The following ADGB variants were observed in gnomAD, a reference collection of about 807,000 sequenced individuals.
ADGB encodes the protein androglobin, also known as calpain-7-like protein.
In ADGB, 172 loss-of-function variants were observed where a neutral mutation model predicts 210.5. The observed-to-expected ratio is 0.82, with a 90% CI of 0.72 to 0.93. ADGB has a LOEUF of 0.93. ADGB is among the 40% of genes least tolerant of loss of function. ADGB has a pLI of 0.00. For missense variants in ADGB, 2,025 were observed against 1,964.8 expected (o/e 1.03, Z -0.58); for synonymous variants, 658 against 662.7 (o/e 0.99, Z 0.11).
At position 146,644,042 on chromosome 6, in the gene ADGB, A is replaced by T. The variant is rs1297426633; in HGVS notation, c.238-731A>T. On this transcript the variant is annotated intron_variant, in intron 2 of 35. Transcript: ENST00000397944. ...GAGAAGTTGTTGCCAAGTATTAGGG[A>T]TGGAGTATGGGATGGGGAGTGGGAG... Among the ~76,000 whole-genome samples the T allele has an allele frequency of 5.3e-5, 8 of 151,828 alleles. No homozygotes were observed. In the East Asian group the frequency reaches 1.5e-3, roughly 29 times the overall value.
chr6:146,753,037 T>A (rs1374372052), intron 27 of ADGB, among the ~76,000 whole-genome samples: 6 of 152,102 alleles, frequency 3.9e-5, no homozygotes, highest in African/African-American at 1.4e-4. Flanking sequence ...CAGAAAATAT[T>A]GTACTTACTA....
At chr6:146,661,269 G>T (rs1775853625) in intron 5 of ADGB, among the ~76,000 whole-genome samples, 1 of 128,442 alleles carries the variant, frequency 7.8e-6, no homozygotes, top group Admixed American at 9.9e-5. Flanking sequence ...CGCTCAGGCT[G>T]GAGTGTAGTG....
chr6:146,807,504 C>T (rs1778230431), intron 35 of ADGB: 2 of 1,551,514 alleles, frequency 1.3e-6, no homozygotes, highest in Non-Finnish European at 1.7e-6. Context: ...TCTCTCTGCT[C>T]AGGAAGCCGC....
chr6:146,791,282 G>A (rs1446047371), intron 33 of ADGB, among the ~76,000 whole-genome samples: 2 of 152,086 alleles, frequency 1.3e-5, no homozygotes, highest in Admixed American at 6.5e-5. Flanking sequence ...ATCATGGGCT[G>A]TTTCTCCTGT....
intron 17 of ADGB, among the ~76,000 whole-genome samples, chr6:146,723,972 T>A (rs1776858225): frequency 6.6e-6 from 1 of 152,198 alleles, no homozygotes; most frequent in African/African-American, 2.4e-5. Flanking sequence ...GAGAGGATTG[T>A]TACAAGGAAG....
intron 3 of ADGB, among the ~76,000 whole-genome samples, chr6:146,650,597 C>CAA (rs57913607): frequency 0.015 from 566 of 36,554 alleles, 117 homozygotes; most frequent in African/African-American, 0.036. Context: ...TCCCTCCCAC[C>CAA]AAAAAAAAAA....
chr6:146,613,744 C>G (rs1048768885), intron 1 of ADGB, among the ~76,000 whole-genome samples: 6 of 152,032 alleles, frequency 3.9e-5, no homozygotes, highest in African/African-American at 1.4e-4. Context: ...ACCTCTTGTG[C>G]ATTCTTTATT....
intron 11 of ADGB, among the ~76,000 whole-genome samples, 174 bp downstream of exon 11, chr6:146,691,464 ATATATATATAT>A (rs1776320773): frequency 6.6e-5 from 1 of 15,072 alleles, no homozygotes; most frequent in African/African-American, 5.4e-4. Context: ...ATATAAAAAT[ATATATATATAT>A]AAATATATAT....
intron 3 of ADGB, among the ~76,000 whole-genome samples, chr6:146,650,920 A>C (rs1775692691): frequency 6.6e-6 from 1 of 152,234 alleles, no homozygotes; most frequent in Non-Finnish European, 1.5e-5. Context: ...CATTAAGTCC[A>C]GATGTCACAG....
intron 20 of ADGB, among the ~76,000 whole-genome samples, chr6:146,732,227 G>A (rs1423893731): frequency 1.3e-5 from 2 of 152,136 alleles, no homozygotes; most frequent in African/African-American, 4.8e-5. Context: ...ATAACCTCTT[G>A]GATGCTGGCC....
chr6:146,618,852 G>A (rs1780842655), intron 1 of ADGB, among the ~76,000 whole-genome samples: 1 of 151,524 alleles, frequency 6.6e-6, no homozygotes, highest in South Asian at 2.1e-4. Context: ...TTATGTAAAT[G>A]TCTGTTAGGG....
intron 1 of ADGB, among the ~76,000 whole-genome samples, chr6:146,605,899 C>G (rs1026817508): frequency 6.6e-6 from 1 of 152,084 alleles, no homozygotes; most frequent in African/African-American, 2.4e-5. Context: ...ATGCATGTGT[C>G]TTTATGGTAG....
chr6:146,687,664 G>A (rs1776251343), intron 10 of ADGB, among the ~76,000 whole-genome samples: 1 of 151,890 alleles, frequency 6.6e-6, no homozygotes, highest in African/African-American at 2.4e-5. Flanking sequence ...TTGAGGGGAG[G>A]GAACTTAGAG....
At chr6:146,637,667 G>A (rs1775444865) in intron 2 of ADGB, among the ~76,000 whole-genome samples, 1 of 151,850 alleles carries the variant, frequency 6.6e-6, no homozygotes, top group African/African-American at 2.4e-5. Context: ...ACTGAGTCAG[G>A]TACATCTTGT....
chr6:146,684,579 ATAAT>A (rs1398608095), intron 9 of ADGB, among the ~76,000 whole-genome samples: 1 of 152,132 alleles, frequency 6.6e-6, no homozygotes, highest in Non-Finnish European at 1.5e-5. Flanking sequence ...TTTAAAAGGA[ATAAT>A]TATTTTGCTG....
rs1340223910 is a variant in ADGB, at chr6:146,747,066, T to G, written c.3365+957T>G. Reference sequence around the variant, plus strand: ...TGAGACTGTGACATATCAAATTTTATCTAGTTAATTTCACATTGGCCACTG... The same window carrying G: ...TGAGACTGTGACATATCAAATTTTAGCTAGTTAATTTCACATTGGCCACTG... On this transcript the variant is annotated intron_variant, in intron 26 of 35. Transcript: ENST00000397944. 5.9e-5 allele frequency among the ~76,000 whole-genome samples: 9 copies of G among 152,160 alleles called. No homozygotes were observed. The East Asian group carries it at 1.5e-3, about 26-fold the overall frequency.
chr6:146,622,716 ATT>A (rs1203000346), intron 1 of ADGB, among the ~76,000 whole-genome samples: 1 of 152,066 alleles, frequency 6.6e-6, no homozygotes, highest in Non-Finnish European at 1.5e-5. Context: ...AAGAGCAGAA[ATT>A]TTAAATTTTG....
At chr6:146,644,226 A>C (rs115067427) in intron 2 of ADGB, among the ~76,000 whole-genome samples, 3,172 of 151,982 alleles carry the variant, frequency 0.021, 103 homozygotes, top group African/African-American at 0.072. Context: ...ATAAGAACCC[A>C]TTGTATTATT....
intron 14 of ADGB, among the ~76,000 whole-genome samples, chr6:146,715,834 C>T (rs1474662219): frequency 6.6e-6 from 1 of 152,060 alleles, no homozygotes; most frequent in East Asian, 1.9e-4. Flanking sequence ...CTTTGGGAGG[C>T]TGAGGCGGGC....
Sources: allele counts gnomAD v4.1 joint callset (sites outside exome capture counted in the v4.1 genomes callset), GRCh38; gene constraint gnomAD v4.1.1; transcripts MANE v1.5; gene names NCBI Gene and HGNC (gene_info 2026-07-23, HGNC 2026-07-21).